RORA: variants seen among roughly 807,000 people sequenced by gnomAD.
RORA encodes the protein nuclear receptor ROR-alpha.
In RORA, 7 loss-of-function variants were observed where a neutral mutation model predicts 69.5. The ratio of observed to expected loss-of-function variants is 0.10; its 90% CI spans 0.06 to 0.19. The LOEUF (loss-of-function observed/expected upper bound fraction) is 0.19. RORA is among the 10% of genes least tolerant of loss of function. RORA has a pLI of 1.00. For synonymous variants in RORA, 261 were observed against 240.8 expected, an observed-to-expected ratio of 1.08 and a Z score of -0.78; for missense variants, 457 against 663.0, an observed-to-expected ratio of 0.69 and a Z score of 3.41.
intron 1 of RORA, among the ~76,000 whole-genome samples, chr15:60,714,429 A>G (rs1411741622): frequency 4.7e-5 from 7 of 147,884 alleles, no homozygotes; most frequent in Non-Finnish European, 1.0e-4. Flanking sequence ...CAATGGTGCA[A>G]TCTTGGCTCA....
At chr15:61,123,655 C>G (rs1248894833) in intron 1 of RORA, among the ~76,000 whole-genome samples, 1 of 152,184 alleles carries the variant, frequency 6.6e-6, no homozygotes, top group African/African-American at 2.4e-5. Context: ...TATAATTGGT[C>G]TGGGGTGTGG....
chr15:61,018,113 C>T (rs774416245), intron 1 of RORA, among the ~76,000 whole-genome samples: 1 of 152,154 alleles, frequency 6.6e-6, no homozygotes, highest in Non-Finnish European at 1.5e-5. Flanking sequence ...CTATGTGATA[C>T]TTTGTTAGCC....
At chr15:61,173,070 T>C (rs2079599611) in intron 1 of RORA, among the ~76,000 whole-genome samples, 1 of 152,236 alleles carries the variant, frequency 6.6e-6, no homozygotes, top group Non-Finnish European at 1.5e-5. Flanking sequence ...TTTTTCCTTT[T>C]CCATCTCTCT....
At chr15:60,547,489 G>C (rs949500690) in intron 2 of RORA, among the ~76,000 whole-genome samples, 1 of 151,888 alleles carries the variant, frequency 6.6e-6, no homozygotes, top group African/African-American at 2.4e-5. Context: ...ACCACGTCTG[G>C]GTAATTTTTG....
At chr15:61,029,055 T>A (rs1348324937) in intron 1 of RORA, among the ~76,000 whole-genome samples, 1 of 151,760 alleles carries the variant, frequency 6.6e-6, no homozygotes, top group African/African-American at 2.4e-5. Context: ...TGGTCTGAAG[T>A]AAGATAGTGG....
chr15:60,798,075 C>T (rs1443304050), intron 1 of RORA, among the ~76,000 whole-genome samples: 1 of 151,978 alleles, frequency 6.6e-6, no homozygotes, highest in Non-Finnish European at 1.5e-5. Context: ...ATTAAGGAGA[C>T]ACATATTTCA....
intron 1 of RORA, among the ~76,000 whole-genome samples, chr15:61,003,405 A>G (rs1444660910): frequency 2.0e-5 from 3 of 152,192 alleles, no homozygotes; most frequent in Non-Finnish European, 4.4e-5. Context: ...GCTAGAGACC[A>G]AACAATGTTT....
chr15:60,904,716 T>A (rs1176668792), intron 1 of RORA, among the ~76,000 whole-genome samples: 2 of 152,146 alleles, frequency 1.3e-5, no homozygotes, highest in Non-Finnish European at 2.9e-5. Flanking sequence ...CCCATCTAAA[T>A]GAGCACAGAG....
At chr15:61,144,652 A>G (rs890304931) in intron 1 of RORA, among the ~76,000 whole-genome samples, 1 of 152,246 alleles carries the variant, frequency 6.6e-6, no homozygotes, top group Non-Finnish European at 1.5e-5. Context: ...CATGGTTGGC[A>G]ACAGAGTTGT....
chr15:61,224,955 T>G lies in RORA; in HGVS notation c.166+4098A>C, dbSNP rs144082125. 1.3e-3 allele frequency among the ~76,000 whole-genome samples: 205 copies of G among 152,216 alleles called. 2 individuals carry two copies. The East Asian group carries it at 0.032, about 24-fold the overall frequency. On this transcript the variant is annotated intron_variant, in intron 1 of 10. Coordinates refer to ENST00000335670, the MANE Select transcript of RORA (RefSeq NM_134261.3). ...AGAGGCATTTTCTAAAGCCAAGGGC[T>G]CCTCACCATGCCAGTAGGTATTGGA... is the stretch of plus-strand genomic sequence containing the variant.
In RORA at chr15:60,569,263, A is replaced by T. The variant is rs1323309084; in HGVS notation, c.197-37412T>A. Among the ~76,000 whole-genome samples the T allele has an allele frequency of 1.6e-4, 12 of 76,912 alleles. No homozygotes were observed. In the African/African-American group the frequency reaches 2.9e-3, roughly 18 times the overall value. The allele number at this position is 76,912 out of a possible 152,430, so 50.5% of individuals were successfully genotyped here. On this transcript the variant is annotated intron_variant, in intron 2 of 10. Transcript: ENST00000335670. ...GAGACTCCATCTCTTTAAAAAATTA[A>T]AAAAAAAAAAAAAAAAAAAGCCATG... is the stretch of plus-strand genomic sequence containing the variant.
intron 1 of RORA, among the ~76,000 whole-genome samples, chr15:60,986,997 A>T (rs1447997888): frequency 6.6e-6 from 1 of 152,184 alleles, no homozygotes; most frequent in Admixed American, 6.5e-5. Context: ...CACTCAAAGC[A>T]CTTTGGATTC....
chr15:61,033,730 T>C (rs971304573), intron 1 of RORA, among the ~76,000 whole-genome samples: 57 of 152,076 alleles, frequency 3.7e-4, no homozygotes, highest in Admixed American at 3.1e-3. Flanking sequence ...AGTGCATACA[T>C]ACACCAGATT....
chr15:60,546,492 AAC>A, intron 2 of RORA: 1 of 152,340 alleles, frequency 6.6e-6, no homozygotes, highest in Non-Finnish European at 1.5e-5. Flanking sequence ...TCCCAGGAGA[AAC>A]AGATAGAGAC....
intron 1 of RORA, among the ~76,000 whole-genome samples, chr15:60,970,934 C>T (rs2689344): frequency 6.6e-6 from 1 of 152,190 alleles, no homozygotes; most frequent in South Asian, 2.1e-4. Flanking sequence ...AGAAACATTC[C>T]TGAGCCACGT....
chr15:60,831,620 C>G (rs190796295), intron 1 of RORA, among the ~76,000 whole-genome samples: 3 of 152,246 alleles, frequency 2.0e-5, no homozygotes, highest in Admixed American at 2.0e-4. Context: ...TTTGTCCCCA[C>G]CTCATTTGGG....
At chr15:60,632,928 C>T (rs779124369) in intron 2 of RORA, among the ~76,000 whole-genome samples, 9 of 152,114 alleles carry the variant, frequency 5.9e-5, no homozygotes, top group Non-Finnish European at 1.3e-4. Context: ...TATACTGTTG[C>T]CAAGTTTAAA....
intron 1 of RORA, among the ~76,000 whole-genome samples, chr15:60,844,873 G>C (rs930011882): frequency 6.6e-6 from 1 of 152,208 alleles, no homozygotes; most frequent in Non-Finnish European, 1.5e-5. Context: ...CTGCTCAAAA[G>C]AATGTGCAGG....
In RORA at chr15:60,492,819, G is replaced by GTT. The variant is rs2065068083; in HGVS notation, c.*4634_*4635dup. ...AACACAAGACTGACGAGCACATCAAGTTCTAAACTCAACAAAATGAGACGA... is the reference window on the plus strand; with the variant it reads ...AACACAAGACTGACGAGCACATCAAGTTTTCTAAACTCAACAAAATGAGACGA... On this transcript the variant is annotated 3_prime_UTR_variant, in exon 11 of 11. Transcript: ENST00000335670. 1 of 152,108 alleles carries GTT rather than the reference G, an allele frequency of 6.6e-6. No homozygotes were observed. The highest frequency in any genetic ancestry group is 1.5e-5 in the Non-Finnish European group (1 of 68,004). The allele number at this position is 152,108 out of a possible 1,614,324, so 9.4% of individuals were successfully genotyped here. A position where few individuals can be genotyped will look rare whatever the true frequency, so the allele number is the denominator to read the frequency against.
Sources: gnomAD v4.1 joint callset for allele counts (sites outside exome capture counted in the v4.1 genomes callset) on GRCh38, gnomAD v4.1.1 for gene constraint, MANE v1.5 for transcripts, NCBI Gene and HGNC (gene_info 2026-07-23, HGNC 2026-07-21) for gene names.